KIAA1217: variants seen among roughly 807,000 people sequenced by gnomAD.
KIAA1217 encodes the protein sickle tail protein homolog.
Under a neutral mutation model 163.9 loss-of-function variants are expected in KIAA1217, and 88 were observed. The ratio of observed to expected loss-of-function variants is 0.54; its 90% CI spans 0.45 to 0.64. The LOEUF (loss-of-function observed/expected upper bound fraction) is 0.64, where lower values mean the gene tolerates loss of function less well. KIAA1217 is among the 30% of genes least tolerant of loss of function. KIAA1217 has a pLI of 0.00. For synonymous variants in KIAA1217, 903 were observed against 923.1 expected (o/e 0.98, Z 0.39); for missense variants, 2,372 against 2,475.0 (o/e 0.96, Z 0.88).
chr10:24,163,388 T>C (rs1443257636), intron 2 of KIAA1217, among the ~76,000 whole-genome samples: 1 of 152,210 alleles, frequency 6.6e-6, no homozygotes, highest in African/African-American at 2.4e-5. Flanking sequence ...CTCTCAACTC[T>C]CAAATTCCAT....
In KIAA1217 at chr10:24,449,541, A is replaced by G. The variant is rs191909167; in HGVS notation, c.846+11062A>G. On this transcript the variant is annotated intron_variant, in intron 5 of 20. Transcript: ENST00000376454. ...CAGAATTAACTTTCATAGAGTAGAA[A>G]CAAAACCTCTGAATGTCCGTGAAAT... The G allele has an allele frequency of 2.2e-5, 22 of 985,408 alleles. No homozygotes were observed. The African/African-American group carries it at 3.7e-4, about 16-fold the overall frequency. The allele number at this position is 985,408 out of a possible 1,614,324, so 61.0% of individuals were successfully genotyped here. A position where few individuals can be genotyped will look rare whatever the true frequency, so the allele number is the denominator to read the frequency against.
chr10:23,844,612 A>G (rs1838933193), intron 1 of KIAA1217, among the ~76,000 whole-genome samples: 1 of 151,958 alleles, frequency 6.6e-6, no homozygotes, highest in South Asian at 2.1e-4. Flanking sequence ...GGTTTTCTCT[A>G]TCTCTTTTGT....
chr10:23,771,836 G>T (rs1834809205), intron 1 of KIAA1217, among the ~76,000 whole-genome samples: 1 of 152,196 alleles, frequency 6.6e-6, no homozygotes, highest in Admixed American at 6.5e-5. Flanking sequence ...TGCCCAGGGG[G>T]ACAAGGATAC....
intron 1 of KIAA1217, among the ~76,000 whole-genome samples, chr10:23,714,501 T>C (rs1018351093): frequency 2.0e-5 from 3 of 152,094 alleles, no homozygotes; most frequent in Admixed American, 6.6e-5. Flanking sequence ...AATCAATCAA[T>C]TGCAACTTGG....
chr10:24,539,239 T>C (rs1393535054), intron 17 of KIAA1217, among the ~76,000 whole-genome samples: 2 of 152,052 alleles, frequency 1.3e-5, no homozygotes, highest in African/African-American at 4.8e-5. Flanking sequence ...TTTCTTTTCT[T>C]TTTAATTGAA....
intron 3 of KIAA1217, among the ~76,000 whole-genome samples, chr10:24,405,803 A>G (rs952566213): frequency 1.3e-5 from 2 of 152,198 alleles, no homozygotes; most frequent in Non-Finnish European, 2.9e-5. Flanking sequence ...GGTAAAGTCA[A>G]TATTTGAACC....
chr10:24,295,700 G>A (rs1044038342), intron 2 of KIAA1217, among the ~76,000 whole-genome samples: 5 of 152,170 alleles, frequency 3.3e-5, no homozygotes, highest in Admixed American at 2.0e-4. Flanking sequence ...ATCTGAGGGT[G>A]AAGGGTCTCT....
intron 1 of KIAA1217, among the ~76,000 whole-genome samples, chr10:23,800,189 A>G (rs1047769282): frequency 1.3e-5 from 2 of 152,220 alleles, no homozygotes; most frequent in African/African-American, 4.8e-5. Flanking sequence ...CATAATAGGA[A>G]ATAAGACACT....
At chr10:23,968,400 G>T (rs1023593749) in intron 1 of KIAA1217, among the ~76,000 whole-genome samples, 1 of 152,172 alleles carries the variant, frequency 6.6e-6, no homozygotes, top group African/African-American at 2.4e-5. Context: ...TGGCTACGTA[G>T]ACGGGTTTTA....
rs71506836 is a variant in KIAA1217 at position 24,495,085 on chromosome 10, T to TAAA, written c.1785-49_1785-47dup. The TAAA allele has an allele frequency of 2.6e-3, 3,244 of 1,232,850 alleles. 4 individuals carry two copies. Among genetic ancestry groups the TAAA allele is most frequent in the Non-Finnish European group, 3.0e-3 (2,660 of 882,312 alleles). The allele number at this position is 1,232,850 out of a possible 1,614,324, so 76.4% of individuals were successfully genotyped here. ...TTCAAATAGTGGATGGAATGGGCTT[T>TAAA]AAAAAAAAAAAAAAAGGCATTTTGG... On this transcript the variant is annotated intron_variant, in intron 7 of 20. Coordinates refer to ENST00000376454, the MANE Select transcript of KIAA1217 (RefSeq NM_019590.5).
intron 1 of KIAA1217, among the ~76,000 whole-genome samples, chr10:24,001,493 T>C (rs1335570595): frequency 6.6e-6 from 1 of 152,176 alleles, no homozygotes; most frequent in African/African-American, 2.4e-5. Context: ...ATTCTTAGCA[T>C]TTATTGAGCC....
chr10:23,797,111 C>T (rs1836243763), intron 1 of KIAA1217, among the ~76,000 whole-genome samples: 1 of 152,134 alleles, frequency 6.6e-6, no homozygotes, highest in Non-Finnish European at 1.5e-5. Context: ...CTGCTTTGGC[C>T]TCTCAGAGCT....
intron 2 of KIAA1217, among the ~76,000 whole-genome samples, chr10:24,082,908 T>C (rs2061584426): frequency 6.6e-6 from 1 of 152,196 alleles, no homozygotes; most frequent in Non-Finnish European, 1.5e-5. Flanking sequence ...CCAGCAACTG[T>C]TGTTTCTTGA....
At chr10:24,208,957 G>A (rs888231745), upstream of KIAA1217, 15 of 371,648 alleles carry the variant, frequency 4.0e-5, no homozygotes, top group Non-Finnish European at 6.0e-5. Flanking sequence ...ACGGACGGAC[G>A]GACAGACCTA....
chr10:23,944,898 A>G (rs1413511807), intron 1 of KIAA1217, among the ~76,000 whole-genome samples: 1 of 152,094 alleles, frequency 6.6e-6, no homozygotes, highest in Non-Finnish European at 1.5e-5. Flanking sequence ...GTCTCTACTA[A>G]TAATGTAAAA....
chr10:23,885,112 G>T (rs966910667), intron 1 of KIAA1217, among the ~76,000 whole-genome samples: 2 of 151,976 alleles, frequency 1.3e-5, no homozygotes, highest in African/African-American at 4.8e-5. Flanking sequence ...TTTGTGTTTT[G>T]TAGTTCACAG....
chr10:23,956,681 A>G (rs2131365198), intron 1 of KIAA1217, among the ~76,000 whole-genome samples: 1 of 152,294 alleles, frequency 6.6e-6, no homozygotes, highest in East Asian at 1.9e-4. Context: ...GCATGGTGCC[A>G]GCATCTGCTT....
At position 23,695,328 on chromosome 10, in the gene KIAA1217, G is replaced by A. The variant is rs1214698589; in HGVS notation, c.-321+94G>A. ...CCTCCTTGGATAAGGAAACCGAGGG[G>A]AGACTTACAAGGGAGCCTTGCGCGG... On this transcript the variant is annotated intron_variant, in intron 1 of 18. Transcript: ENST00000376462. The surrounding 1 kb of genome is among the most constrained non-coding windows in gnomAD (Gnocchi z 4.9). 1 of 152,310 alleles carries A rather than the reference G, an allele frequency of 6.6e-6. No homozygotes were observed. The allele number at this position is 152,310 out of a possible 1,614,324, so 9.4% of individuals were successfully genotyped here. A position where few individuals can be genotyped will look rare whatever the true frequency, so the allele number is the denominator to read the frequency against.
chr10:24,526,718 G>A (rs557552466), intron 13 of KIAA1217, among the ~76,000 whole-genome samples: 5 of 152,242 alleles, frequency 3.3e-5, no homozygotes, highest in East Asian at 3.9e-4. Flanking sequence ...CCAGGCCCTC[G>A]TAGGCTCGGG....
Sources: gnomAD v4.1 joint callset for allele counts (sites outside exome capture counted in the v4.1 genomes callset) on GRCh38, gnomAD v4.1.1 for gene constraint, Gnocchi (gnomAD v3.1) non-coding constraint, MANE v1.5 for transcripts, NCBI Gene and HGNC (gene_info 2026-07-23, HGNC 2026-07-21) for gene names.